CLHC1: variants seen among roughly 807,000 people sequenced by gnomAD.
CLHC1 encodes clathrin heavy chain linker domain containing 1.
In CLHC1, 72 loss-of-function variants were observed where a neutral mutation model predicts 69.5. The ratio of observed to expected loss-of-function variants is 1.04; its 90% CI spans 0.86 to 1.26. The LOEUF (loss-of-function observed/expected upper bound fraction) is 1.26, where lower values mean the gene tolerates loss of function less well. Ranked by LOEUF, CLHC1 falls within the 50% of genes most tolerant of loss-of-function variation. The pLI is 0.00. For missense variants in CLHC1, 790 were observed against 679.3 expected (o/e 1.16, Z -1.81); for synonymous variants, 223 against 224.3 (o/e 0.99, Z 0.05).
At chr2:55,178,964 T>C (rs1165486970) in intron 11 of CLHC1, among the ~76,000 whole-genome samples, 1 of 151,438 alleles carries the variant, frequency 6.6e-6, no homozygotes, top group East Asian at 1.9e-4. Context: ...GGTCTCACTC[T>C]GATGCCCAGG....
chr2:55,232,117 A>G, intron 1 of CLHC1, 106 bp downstream of exon 1: 1 of 154,168 alleles, frequency 6.5e-6, no homozygotes, highest in Non-Finnish European at 1.4e-5. Flanking sequence ...AAGTGAGTGA[A>G]GGACACCTTT....
At chr2:55,192,042 A>G (rs1054463811) in intron 9 of CLHC1, among the ~76,000 whole-genome samples, 3 of 152,258 alleles carry the variant, frequency 2.0e-5, no homozygotes, top group Non-Finnish European at 2.9e-5. Flanking sequence ...CAAAACAAAC[A>G]TGTCAACAAC....
At chr2:55,218,124 C>T (rs569480833) in intron 3 of CLHC1, 126 bp from the exon 4 acceptor site, 3 of 507,434 alleles carry the variant, frequency 5.9e-6, no homozygotes, top group Admixed American at 4.1e-5. Context: ...GAAATCTAAA[C>T]TCTACAGCAA....
intron 2 of CLHC1, chr2:55,224,895 G>C (rs1216481784): frequency 5.4e-6 from 1 of 184,208 alleles, no homozygotes; most frequent in Non-Finnish European, 1.2e-5. Context: ...GAGCTCCTGG[G>C]CCAGCCTGCG....
intron 9 of CLHC1, among the ~76,000 whole-genome samples, chr2:55,194,264 C>G (rs1028958505): frequency 6.6e-6 from 1 of 151,894 alleles, no homozygotes. Flanking sequence ...CCCACAAAGG[C>G]AACATATTCA....
At chr2:55,215,371 T>C (rs905166433) in intron 4 of CLHC1, among the ~76,000 whole-genome samples, 1 of 152,176 alleles carries the variant, frequency 6.6e-6, no homozygotes, top group Non-Finnish European at 1.5e-5. Flanking sequence ...GACATAACAA[T>C]ATGACCTTCC....
At chr2:55,208,238 T>C (rs758449451) in intron 8 of CLHC1, among the ~76,000 whole-genome samples, 8 of 152,248 alleles carry the variant, frequency 5.3e-5, no homozygotes, top group Non-Finnish European at 1.0e-4. Context: ...TATATGCATG[T>C]ACATAATGAG....
rs190774333 is a variant in CLHC1, at chr2:55,204,986, A to T, written c.1006+1284T>A. 3.4e-4 allele frequency among the ~76,000 whole-genome samples: 52 copies of T among 152,284 alleles called. 1 individual carries two copies. In the East Asian group the frequency reaches 6.2e-3, roughly 18 times the overall value. On this transcript the variant is annotated intron_variant, in intron 9 of 12. Transcript: ENST00000401408. ...TGGGCTGTTTAATGGGTTAAAAAAA[A>T]TAGTTAAATTGTTAAAATGGCCATA...
Position 55,175,986 on chromosome 2 carries a change from TC to T in CLHC1, c.1565-1del. On this transcript the variant is annotated splice_acceptor_variant, in intron 12 of 12. Transcript: ENST00000401408. LOFTEE classifies it high-confidence loss of function. ...ATTTATCATAAGACTTTCTACTGCA[TC>T]TGTGGGGAAAAAATACAATATTATA... The T allele has an allele frequency of 6.2e-7, 1 of 1,611,336 alleles. No individual in the cohort carries two copies.
At chr2:55,190,205 C>A (rs1040220638) in intron 9 of CLHC1, among the ~76,000 whole-genome samples, 1 of 141,756 alleles carries the variant, frequency 7.1e-6, no homozygotes, top group Non-Finnish European at 1.5e-5. Context: ...CCACCACACC[C>A]GGCTAATTTT....
At position 55,222,349 on chromosome 2, in the gene CLHC1, CTTGTCACTTCTA is replaced by C. The variant is rs776717158; in HGVS notation, c.51_62del (p.Cys17_Lys21delinsTrp). On this transcript the variant is annotated inframe_deletion, in exon 3 of 13. Coordinates refer to ENST00000401408, the MANE Select transcript of CLHC1 (RefSeq NM_152385.4). The stretch of plus-strand genomic sequence containing the variant: ...ATCTTTGCACACTTTCCAAAAATTC[CTTGTCACTTCTA>C]CAAATGATAGGTGGGAGAACTGCAT... 2 of 1,613,842 alleles carry C rather than the reference CTTGTCACTTCTA, an allele frequency of 1.2e-6. No individual in the cohort carries two copies. The highest frequency in any genetic ancestry group is 1.7e-6 in the Non-Finnish European group (2 of 1,179,900).
chr2:55,205,547 G>C (rs1424040040), intron 9 of CLHC1, among the ~76,000 whole-genome samples: 1 of 152,078 alleles, frequency 6.6e-6, no homozygotes, highest in Admixed American at 6.6e-5. Context: ...GATACTGAGG[G>C]GCATGAGGGA....
At position 55,220,589 on chromosome 2, in the gene CLHC1, A is replaced by T. The variant is rs562894557; in HGVS notation, c.177+1646T>A. On this transcript the variant is annotated intron_variant, in intron 3 of 12. Coordinates refer to ENST00000401408, the MANE Select transcript of CLHC1 (RefSeq NM_152385.4). ...ATGTCAATATTATTTTCTATTTAACACCATATGTTTTCTCTAGGAATTAAA... is the reference window on the plus strand; with the variant it reads ...ATGTCAATATTATTTTCTATTTAACTCCATATGTTTTCTCTAGGAATTAAA... Among the ~76,000 whole-genome samples the T allele has an allele frequency of 6.1e-4, 93 of 152,292 alleles. 2 individuals are homozygous for T. Among genetic ancestry groups the T allele is most frequent in the African/African-American group, 2.1e-3 (89 of 41,554 alleles).
rs1458014332 is a variant in CLHC1 at position 55,172,759 on chromosome 2, C to A, written c.*3031G>T. ...TTGACTTAACATATGCTTTAGCAAT[C>A]CAACAGAATTCCAGGCACCTAAAAA... On this transcript the variant is annotated 3_prime_UTR_variant, in exon 13 of 13. Transcript: ENST00000401408. 6.7e-6 allele frequency among the ~76,000 whole-genome samples: 1 copy of A among 150,024 alleles called. No homozygotes were observed. Among genetic ancestry groups the A allele is most frequent in the Non-Finnish European group, 1.5e-5 (1 of 67,718 alleles).
Position 55,181,757 on chromosome 2 carries a change from G to T in CLHC1, c.1007-13C>A. The T allele has an allele frequency of 1.9e-6, 3 of 1,603,324 alleles. No homozygotes were observed. The highest frequency in any genetic ancestry group is 2.6e-6 in the Non-Finnish European group (3 of 1,175,686). On this transcript the variant is annotated splice_polypyrimidine_tract_variant and intron_variant, in intron 9 of 12. Transcript: ENST00000401408. ...ATTTTTCCAACAGCTACAGAAAGGAGAAAATTTTCTGAGTCAAATACTTTA... is the reference window on the plus strand; with the variant it reads ...ATTTTTCCAACAGCTACAGAAAGGATAAAATTTTCTGAGTCAAATACTTTA...
In CLHC1 at chr2:55,180,347, G is replaced by A. The variant is rs556521580; in HGVS notation, c.1384+163C>T. ...CCAGCATGAAAGCCAATCAGCTCCA[G>A]CTTACTATGTTCATGAAAAATTACA... On this transcript the variant is annotated intron_variant, in intron 11 of 12. Coordinates refer to ENST00000401408, the MANE Select transcript of CLHC1 (RefSeq NM_152385.4). Among the ~76,000 whole-genome samples, 9 of 152,164 alleles carry A rather than the reference G, an allele frequency of 5.9e-5. No homozygotes were observed. The South Asian group carries it at 1.9e-3, about 32-fold the overall frequency.
At chr2:55,230,117 C>G (rs929650571) in intron 1 of CLHC1, among the ~76,000 whole-genome samples, 1 of 152,186 alleles carries the variant, frequency 6.6e-6, no homozygotes, top group Non-Finnish European at 1.5e-5. Context: ...CTGTGGAAAA[C>G]AGATTATAGG....
intron 7 of CLHC1, among the ~76,000 whole-genome samples, chr2:55,208,996 G>A (rs576982561): frequency 2.0e-5 from 3 of 149,924 alleles, no homozygotes; most frequent in Admixed American, 6.7e-5. Flanking sequence ...TCAGCCTCCC[G>A]AGTAGCTGGG....
intron 8 of CLHC1, 85 bp downstream of exon 8, chr2:55,208,541 C>T: frequency 2.4e-6 from 2 of 823,776 alleles, no homozygotes; most frequent in Non-Finnish European, 4.1e-6. Context: ...TGAAAAATCT[C>T]CTAGATTCCC....
Sources: allele counts gnomAD v4.1 joint callset (sites outside exome capture counted in the v4.1 genomes callset), GRCh38; gene constraint gnomAD v4.1.1; transcripts MANE v1.5; gene names NCBI Gene and HGNC (gene_info 2026-07-23, HGNC 2026-07-21).